The following RANBP2 variants were observed in gnomAD, a reference collection of about 807,000 sequenced individuals.
The protein encoded by RANBP2 is E3 SUMO-protein ligase RanBP2.
In RANBP2, 57 loss-of-function variants were observed where a neutral mutation model predicts 303.6. The ratio of observed to expected loss-of-function variants is 0.19; its 90% CI spans 0.15 to 0.23. RANBP2 has a LOEUF of 0.23. RANBP2 is among the 10% of genes least tolerant of loss of function. The probability of loss-of-function intolerance (pLI) is 1.00; values close to 1 mark genes in which losing one functional copy is unlikely to be tolerated. For missense variants in RANBP2, 3,138 were observed against 3,780.8 expected, an observed-to-expected ratio of 0.83 and a Z score of 4.46; for synonymous variants, 1,167 against 1,301.5, an observed-to-expected ratio of 0.90 and a Z score of 2.23.
chr2:109,201,341 C>T, the RANBP2 span, among the ~76,000 whole-genome samples: 1 of 152,246 alleles, frequency 6.6e-6, no homozygotes, highest in Non-Finnish European at 1.5e-5. Flanking sequence ...GACCTAGAAC[C>T]CACAGGTACA....
At chr2:109,700,764 C>T in the RANBP2 span, among the ~76,000 whole-genome samples, 2 of 151,916 alleles carry the variant, frequency 1.3e-5, no homozygotes, top group Non-Finnish European at 2.9e-5. Context: ...CTCGTGCAAA[C>T]ACAAAACTTC....
At chr2:108,951,311 A>G in the RANBP2 span, among the ~76,000 whole-genome samples, 33 of 152,224 alleles carry the variant, frequency 2.2e-4, no homozygotes, top group Non-Finnish European at 4.4e-4. Context: ...CAGGTATTGA[A>G]GAAACTCTGA....
chr2:109,677,318 C>T, the RANBP2 span, among the ~76,000 whole-genome samples: 2 of 152,134 alleles, frequency 1.3e-5, no homozygotes, highest in Admixed American at 6.5e-5. Context: ...AGTGTCCTGC[C>T]CGACGTTTCT....
the RANBP2 span, among the ~76,000 whole-genome samples, chr2:109,272,651 G>T: frequency 6.6e-6 from 1 of 152,212 alleles, no homozygotes; most frequent in African/African-American, 2.4e-5. Flanking sequence ...GCTGCCAACG[G>T]TCCTCCTCCA....
the RANBP2 span, among the ~76,000 whole-genome samples, chr2:109,634,119 C>CAAAAAAAAAAAAAA: frequency 1.8e-5 from 1 of 56,094 alleles, no homozygotes; most frequent in Non-Finnish European, 2.9e-5. Flanking sequence ...GACTCTGTCT[C>CAAAAAAAAAAAAAA]AAAAAAAAAA....
chr2:109,689,092 A>G, the RANBP2 span, among the ~76,000 whole-genome samples: 1 of 151,994 alleles, frequency 6.6e-6, no homozygotes, highest in Non-Finnish European at 1.5e-5. Flanking sequence ...CTTTTAGTAG[A>G]GGCGGGATTT....
intron 3 of RANBP2, among the ~76,000 whole-genome samples, 174 bp downstream of exon 3, chr2:108,731,059 T>C (rs1406332935): frequency 6.6e-6 from 1 of 152,140 alleles, no homozygotes; most frequent in Non-Finnish European, 1.5e-5. Flanking sequence ...CACCTATAAA[T>C]TGTAAGTCTA....
At chr2:108,930,127 G>C in the RANBP2 span, 5 of 1,613,528 alleles carry the variant, frequency 3.1e-6, no homozygotes, top group African/African-American at 6.7e-5. Flanking sequence ...TACCAGGTAG[G>C]GCTCCTCTCC....
the RANBP2 span, among the ~76,000 whole-genome samples, chr2:109,320,139 G>A: frequency 3.2e-4 from 49 of 152,274 alleles, no homozygotes; most frequent in Admixed American, 6.5e-4. Flanking sequence ...GCCTGTAGAA[G>A]CAACACAACT....
At chr2:109,070,483 G>T in the RANBP2 span, among the ~76,000 whole-genome samples, 1 of 152,236 alleles carries the variant, frequency 6.6e-6, no homozygotes. Context: ...TCGTGGAGCA[G>T]ATCCTTCATG....
At chr2:108,879,470 A>G in the RANBP2 span, among the ~76,000 whole-genome samples, 1 of 152,218 alleles carries the variant, frequency 6.6e-6, no homozygotes, top group South Asian at 2.1e-4. Flanking sequence ...AAAATGAGAA[A>G]GAATAAGATT....
the RANBP2 span, among the ~76,000 whole-genome samples, chr2:109,055,464 C>T: frequency 2.0e-5 from 3 of 150,672 alleles, no homozygotes; most frequent in Non-Finnish European, 2.9e-5. Context: ...AGAATTCAAG[C>T]GATTCTTCTG....
At chr2:109,132,246 G>T in the RANBP2 span, among the ~76,000 whole-genome samples, 3 of 151,930 alleles carry the variant, frequency 2.0e-5, no homozygotes, top group Admixed American at 2.0e-4. Flanking sequence ...GGCCAATTAG[G>T]GTATGTATAC....
At chr2:109,077,995 G>C in the RANBP2 span, among the ~76,000 whole-genome samples, 1 of 144,270 alleles carries the variant, frequency 6.9e-6, no homozygotes, top group South Asian at 2.2e-4. Flanking sequence ...ATCTTGAAGA[G>C]ATATTTGCAC....
chr2:109,036,397 A>G, the RANBP2 span, among the ~76,000 whole-genome samples: 2 of 152,214 alleles, frequency 1.3e-5, no homozygotes, highest in African/African-American at 4.8e-5. Context: ...AAAGAAAGTT[A>G]TAGACCACTA....
the RANBP2 span, among the ~76,000 whole-genome samples, chr2:109,002,797 C>A: frequency 1.3e-5 from 2 of 152,204 alleles, no homozygotes; most frequent in African/African-American, 4.8e-5. Context: ...TCACAGTTTG[C>A]AGAAAGCTGT....
chr2:109,165,170 C>T, the RANBP2 span, among the ~76,000 whole-genome samples: 1 of 148,416 alleles, frequency 6.7e-6, no homozygotes, highest in Admixed American at 6.8e-5. Flanking sequence ...GCTGCCTAAG[C>T]CACATTAAAT....
chr2:109,455,673 T>C, the RANBP2 span, among the ~76,000 whole-genome samples: 1 of 152,326 alleles, frequency 6.6e-6, no homozygotes, highest in Admixed American at 6.5e-5. Context: ...ATCGCTGGCT[T>C]ATAAATGTAT....
At chr2:109,501,269 C>T in the RANBP2 span, among the ~76,000 whole-genome samples, 1 of 151,948 alleles carries the variant, frequency 6.6e-6, no homozygotes, top group Non-Finnish European at 1.5e-5. Flanking sequence ...CCAGCTTCTT[C>T]GTAGATCAGC....
Sources: allele counts gnomAD v4.1 joint callset (sites outside exome capture counted in the v4.1 genomes callset), GRCh38; gene constraint gnomAD v4.1.1; transcripts MANE v1.5; gene names NCBI Gene and HGNC (gene_info 2026-07-23, HGNC 2026-07-21).